The following RIF1 variants were observed in gnomAD, a reference collection of about 807,000 sequenced individuals.
RIF1 encodes the protein telomere-associated protein RIF1.
In RIF1, 45 loss-of-function variants were observed where a neutral mutation model predicts 247.1. The ratio of observed to expected loss-of-function variants is 0.18; its 90% CI spans 0.14 to 0.23. The LOEUF (loss-of-function observed/expected upper bound fraction) is 0.23. RIF1 is among the 10% of genes least tolerant of loss of function. The pLI is 1.00. For synonymous variants in RIF1, 1,087 were observed against 978.8 expected (o/e 1.11, Z -2.06); for missense variants, 2,967 against 2,862.5 (o/e 1.04, Z -0.83).
In RIF1 at chr2:151,415,003, C is replaced by A. The variant is rs1209255116; in HGVS notation, c.280+84C>A. On this transcript the variant is annotated intron_variant, in intron 4 of 35. Transcript: ENST00000444746. ...AAGTAGTTTGATGCTGTTAAAAGTA[C>A]TGTTATGTCTGGATTAGTTTCAGAA... The A allele has an allele frequency of 7.4e-6, 6 of 810,784 alleles. No individual in the cohort carries two copies. The East Asian group carries it at 1.6e-4, about 22-fold the overall frequency. 50.2% of individuals were successfully genotyped at this position (810,784 alleles called of 1,614,324 possible).
At chr2:151,438,134 A>AT (rs1476589175) in intron 13 of RIF1, among the ~76,000 whole-genome samples, 1 of 152,200 alleles carries the variant, frequency 6.6e-6, no homozygotes, top group Non-Finnish European at 1.5e-5. Flanking sequence ...AGATAAAACA[A>AT]TTACCCTTAG....
At chr2:151,466,560 C>A (rs1696924615) in intron 30 of RIF1, among the ~76,000 whole-genome samples, 2 of 151,392 alleles carry the variant, frequency 1.3e-5, no homozygotes, top group Admixed American at 1.3e-4. Flanking sequence ...AAAAAAAAAA[C>A]TCATGTGCCT....
In RIF1 at chr2:151,468,137, A is replaced by G. The variant is rs1697237453; in HGVS notation, c.6738A>G (p.Thr2246=). ...IGKSVKTSPT[T]QSKHNTTSAK... ...AAAGTGTTAAAACTTCTCCTACTAC[A>G]CAATCTAAGGTAAGCTATAGGCTTT... The change falls in exon 31 of 36, where the codon ACA becomes ACG. Residue 2246 remains threonine (T), a synonymous_variant. Transcript: ENST00000444746. 6.2e-7 allele frequency: 1 copy of G among 1,611,792 alleles called. No homozygotes were observed.
Position 151,497,012 on chromosome 2 carries a change from C to T in RIF1, c.*513+1686C>T, listed in dbSNP as rs1404068728. On this transcript the variant is annotated intron_variant and NMD_transcript_variant, in intron 10 of 13. Transcript: ENST00000454583. ...GTGACAGGTAGAGGGGTTCCCTTGC[C>T]CATGTTTTCTTTGTATAACACCTGT... 2 of 1,572,648 alleles carry T rather than the reference C, an allele frequency of 1.3e-6. No homozygotes were observed. Among genetic ancestry groups the T allele is most frequent in the East Asian group, 4.6e-5 (2 of 43,338 alleles).
At chr2:151,468,395 G>T in intron 31 of RIF1, 79 bp from the exon 32 acceptor site, 2 of 1,143,686 alleles carry the variant, frequency 1.7e-6, no homozygotes, top group South Asian at 1.3e-5. Context: ...AGAAATGATT[G>T]CAGTCTAAGT....
chr2:151,468,608 C>G lies in RIF1; in HGVS notation c.6826-33C>G, dbSNP rs752619618. 3 of 1,603,008 alleles carry G rather than the reference C, an allele frequency of 1.9e-6. No homozygotes were observed. The African/African-American group carries it at 4.0e-5, about 21-fold the overall frequency. On this transcript the variant is annotated intron_variant, in intron 32 of 35. Transcript: ENST00000444746. ...ATATTTTCATGTTCAGTCAGTTGACCTCTGTGTAACAGCTTCTGAAATTTA... is the reference window on the plus strand; with the variant it reads ...ATATTTTCATGTTCAGTCAGTTGACGTCTGTGTAACAGCTTCTGAAATTTA...
In RIF1 at chr2:151,410,589, G is replaced by C. The variant is rs964030882; in HGVS notation, c.104+62G>C. 8 of 1,297,932 alleles carry C rather than the reference G, an allele frequency of 6.2e-6. No homozygotes were observed. In the East Asian group the frequency reaches 9.3e-5, roughly 15 times the overall value. 80.4% of individuals were successfully genotyped at this position (1,297,932 alleles called of 1,614,324 possible). On this transcript the variant is annotated intron_variant, in intron 2 of 35. Transcript: ENST00000444746. ...GCTCTATAGTGGGGAGAAAGAAGGT[G>C]GTTGGGAGGGGCGCGTAGAATGAAT...
chr2:151,479,261 A>G lies in RIF1; in HGVS notation c.*4190A>G, dbSNP rs2049069249. 6.6e-6 allele frequency: 1 copy of G among 152,226 alleles called. No homozygotes were observed. Among genetic ancestry groups the G allele is most frequent in the South Asian group, 2.1e-4 (1 of 4,830 alleles). The allele number at this position is 152,226 out of a possible 1,614,324, so 9.4% of individuals were successfully genotyped here. On this transcript the variant is annotated 3_prime_UTR_variant, in exon 36 of 36. Coordinates refer to ENST00000444746, the MANE Select transcript of RIF1 (RefSeq NM_018151.5). Reference sequence around the variant, plus strand: ...TGAAGGCTTAAAGTTCAAAAATTATAAGAAAGTTAAGAATTTTGCTTAAGA... The same window carrying G: ...TGAAGGCTTAAAGTTCAAAAATTATGAGAAAGTTAAGAATTTTGCTTAAGA...
chr2:151,526,918 A>G, the RIF1 span: 1 of 1,580,292 alleles, frequency 6.3e-7, no homozygotes, highest in Non-Finnish European at 8.6e-7. Flanking sequence ...AGGTACTTAC[A>G]TCACTTTCTA....
intron 10 of RIF1, among the ~76,000 whole-genome samples, chr2:151,433,986 A>G (rs997288746): frequency 1.3e-5 from 2 of 151,910 alleles, no homozygotes; most frequent in Admixed American, 6.6e-5. Context: ...AGCCTGGGCA[A>G]CATGGTGAAA....
At chr2:151,529,999 C>A in the RIF1 span, among the ~76,000 whole-genome samples, 1 of 152,152 alleles carries the variant, frequency 6.6e-6, no homozygotes, top group African/African-American at 2.4e-5. Flanking sequence ...ATTAGTCTTG[C>A]TCTCCTTCTG....
rs1257836648 is a variant in RIF1, at chr2:151,478,067, T to C, written c.*2996T>C. The C allele has an allele frequency of 1.3e-5, 2 of 152,228 alleles. No individual in the cohort carries two copies. Among genetic ancestry groups the C allele is most frequent in the Admixed American group, 1.3e-4 (2 of 15,284 alleles). The allele number at this position is 152,228 out of a possible 1,614,324, so 9.4% of individuals were successfully genotyped here. ...TTTTAGAGTGGATTTAAATTTTCAA[T>C]ATTTCAGTGACCTCATTGTTAAAGC... On this transcript the variant is annotated 3_prime_UTR_variant, in exon 36 of 36. Transcript: ENST00000444746.
chr2:151,489,130 C>T (rs867604768), intron 9 of RIF1, among the ~76,000 whole-genome samples: 2 of 152,136 alleles, frequency 1.3e-5, no homozygotes, highest in Non-Finnish European at 2.9e-5. Flanking sequence ...TTACAGTATT[C>T]CCTTCCTTAA....
the RIF1 span, chr2:151,526,313 A>T: frequency 8.1e-7 from 1 of 1,240,002 alleles, no homozygotes; most frequent in Non-Finnish European, 1.2e-6. Flanking sequence ...GATATCCTAC[A>T]TATTTTTATT....
chr2:151,462,226 A>T lies in RIF1; in HGVS notation c.3228-16A>T. ...TCATCCGGTTTTTGAAGTTACTTAT[A>T]TATAGTTTTTTTCAGGTGTGATATT... On this transcript the variant is annotated splice_polypyrimidine_tract_variant and intron_variant, in intron 27 of 35. Transcript: ENST00000444746. 1 of 1,503,074 alleles carries T rather than the reference A, an allele frequency of 6.7e-7. No homozygotes were observed. Among genetic ancestry groups the T allele is most frequent in the Non-Finnish European group, 9.1e-7 (1 of 1,098,432 alleles). 93.1% of individuals were successfully genotyped at this position (1,503,074 alleles called of 1,614,324 possible).
At chr2:151,423,838 A>G (rs1688562207) in intron 8 of RIF1, 1 of 152,208 alleles carries the variant, frequency 6.6e-6, no homozygotes. Context: ...ACCATTTGTA[A>G]ATGAACAAGT....
intron 7 of RIF1, 50 bp from the exon 8 acceptor site, chr2:151,422,899 GA>G (rs1688417189): frequency 1.0e-6 from 1 of 963,704 alleles, no homozygotes; most frequent in Non-Finnish European, 1.6e-6. Context: ...TTTGGTATTG[GA>G]TTTTTTTTTC....
In RIF1 at chr2:151,457,835, T is replaced by C; in HGVS notation, c.2727T>C (p.Leu909=). 6.2e-7 allele frequency: 1 copy of C among 1,613,854 alleles called. No individual in the cohort carries two copies. Among genetic ancestry groups the C allele is most frequent in the Non-Finnish European group, 8.5e-7 (1 of 1,179,824 alleles). Residue 909 remains leucine (L), a synonymous_variant, in exon 24 of 36, where the codon CTT becomes CTC. Coordinates refer to ENST00000444746, the MANE Select transcript of RIF1 (RefSeq NM_018151.5). ...SYTGTYDSEL[L]EQLSPLLCII... is the part of the protein sequence containing the mutation. ...CCGGAACTTATGATAGTGAACTTCT[T>C]GAACAACTCTCCCCACTATTATGCA...
intron 3 of RIF1, among the ~76,000 whole-genome samples, chr2:151,413,683 A>T (rs997532474): frequency 2.0e-5 from 3 of 152,230 alleles, no homozygotes; most frequent in Non-Finnish European, 4.4e-5. Flanking sequence ...AGTTGCTTAC[A>T]ACTGGTTGCT....
Sources: gnomAD v4.1 joint callset for allele counts (sites outside exome capture counted in the v4.1 genomes callset) on GRCh38, gnomAD v4.1.1 for gene constraint, MANE v1.5 for transcripts, NCBI Gene and HGNC (gene_info 2026-07-23, HGNC 2026-07-21) for gene names.